Variants in MS4A18 observed in about 807,000 individuals in gnomAD.
The protein encoded by MS4A18 is membrane-spanning 4-domains subfamily A member 18.
A neutral mutation model predicts 13.1 loss-of-function variants in MS4A18; 27 were observed. That is an observed-to-expected ratio of 2.06 (90% CI 1.52 to 2.84). MS4A18 has a LOEUF of 2.84. MS4A18 is among the 30% of genes most tolerant of loss of function. The pLI, the probability that MS4A18 is intolerant of heterozygous loss-of-function variation, is 0.00. For synonymous variants in MS4A18, 126 were observed against 76.5 expected (o/e 1.65, Z -3.38); for missense variants, 307 against 196.4 (o/e 1.56, Z -3.37).
intron 1 of MS4A18, among the ~76,000 whole-genome samples, chr11:60,733,265 A>G (rs1055035269): frequency 6.6e-6 from 1 of 152,152 alleles, no homozygotes; most frequent in African/African-American, 2.4e-5. Flanking sequence ...AAGGGAACAC[A>G]TTTCTTGCTC....
chr11:60,742,688 T>C (rs1484395942), intron 5 of MS4A18, among the ~76,000 whole-genome samples: 2 of 152,224 alleles, frequency 1.3e-5, no homozygotes, highest in African/African-American at 4.8e-5. Context: ...ATGTTATTTA[T>C]CCATTGAGGA....
At chr11:60,741,065 C>A (rs1479926365) in exon 5 of MS4A18, 2 of 703,052 alleles carry the variant, frequency 2.8e-6, no homozygotes, top group Admixed American at 4.0e-5. Flanking sequence ...GTCTTCTCCC[C>A]TTTGCCCTCC....
intron 4 of MS4A18, among the ~76,000 whole-genome samples, chr11:60,739,744 A>T (rs1016859029): frequency 1.3e-5 from 2 of 151,832 alleles, no homozygotes; most frequent in African/African-American, 4.9e-5. Context: ...GGCCAAAGGA[A>T]GCCCTCAAGT....
upstream of MS4A18, among the ~76,000 whole-genome samples, chr11:60,726,489 G>A (rs1052807783): frequency 1.3e-5 from 2 of 152,116 alleles, no homozygotes; most frequent in Non-Finnish European, 2.9e-5. Flanking sequence ...TCACCTGGAG[G>A]GTGTGTTGAA....
chr11:60,743,928 T>C, exon 6 of MS4A18: 1 of 703,086 alleles, frequency 1.4e-6, no homozygotes. Context: ...CTGCCAAAGC[T>C]ACCACCAGTT....
At chr11:60,735,661 CTTTTTT>C (rs1167113182) in intron 2 of MS4A18, among the ~76,000 whole-genome samples, 29 of 90,106 alleles carry the variant, frequency 3.2e-4, no homozygotes, top group African/African-American at 1.3e-3. Flanking sequence ...CATTCCCTTG[CTTTTTT>C]TTTTTTTTTT....
chr11:60,741,015 T>C lies in MS4A18; in HGVS notation c.745-15T>C. On this transcript the variant is annotated splice_polypyrimidine_tract_variant and intron_variant, in intron 4 of 5. Transcript: ENST00000529108. ...CCTGAAGGACTAAATGCCTTCCATT[T>C]CTCTTTGCCTTTAGACATATTCAAA... is the stretch of plus-strand genomic sequence containing the variant. The C allele has an allele frequency of 2.8e-6, 2 of 702,988 alleles. No individual in the cohort carries two copies. The highest frequency in any genetic ancestry group is 5.2e-6 in the Non-Finnish European group (2 of 384,982). The allele number at this position is 702,988 out of a possible 1,614,324, so 43.5% of individuals were successfully genotyped here. A position where few individuals can be genotyped will look rare whatever the true frequency, so the allele number is the denominator to read the frequency against.
At chr11:60,726,434 G>A (rs1339833570), upstream of MS4A18, among the ~76,000 whole-genome samples, 1 of 152,194 alleles carries the variant, frequency 6.6e-6, no homozygotes, top group African/African-American at 2.4e-5. Context: ...GAAGTGTAGG[G>A]CATTTCTGCA....
chr11:60,739,049 CT>C (rs1853381907), intron 4 of MS4A18, 52 bp downstream of exon 5: 1 of 698,418 alleles, frequency 1.4e-6, no homozygotes, highest in Admixed American at 2.0e-5. Context: ...AGGAGGGCTT[CT>C]GAGGTTGCCT....
In MS4A18 at chr11:60,735,954, G is replaced by A. The variant is rs1484190853; in HGVS notation, c.592-1024G>A. On this transcript the variant is annotated intron_variant, in intron 2 of 5. Transcript: ENST00000529108. ...TGGGATTACAGGCGTGAGCTAGCAC[G>A]TCCAGCCTCCCTTGCTTTTCTTTAT... 4.6e-5 allele frequency among the ~76,000 whole-genome samples: 7 copies of A among 152,216 alleles called. No individual in the cohort carries two copies. The East Asian group carries it at 9.7e-4, about 21-fold the overall frequency.
chr11:60,732,342 G>T (rs1853266397), intron 1 of MS4A18, among the ~76,000 whole-genome samples: 1 of 152,048 alleles, frequency 6.6e-6, no homozygotes, highest in African/African-American at 2.4e-5. Context: ...TGTGTACGTT[G>T]CCAAGGGGAA....
chr11:60,742,645 T>C (rs920800457), intron 5 of MS4A18, among the ~76,000 whole-genome samples: 4 of 152,238 alleles, frequency 2.6e-5, no homozygotes, highest in Non-Finnish European at 4.4e-5. Flanking sequence ...CATCCTTGTT[T>C]GATCTTTGTT....
upstream of MS4A18, among the ~76,000 whole-genome samples, chr11:60,727,248 T>C (rs139537467): frequency 2.0e-5 from 3 of 152,314 alleles, no homozygotes; most frequent in Non-Finnish European, 4.4e-5. Context: ...AAAGAACAAA[T>C]GTTAACTGTT....
rs1201779316 is a variant in MS4A18, at chr11:60,738,944, G to A, written c.691G>A (p.Ala231Thr). ...CTTCAACATCATCAGCGCACTCTTC[G>A]CCTTTGCCGGGATCTTCATTATCAT... The change falls in exon 4 of 6, where the codon GCC becomes ACC. Residue 231 changes from alanine to threonine, a missense_variant. By Grantham distance (58) the Ala-to-Thr change is moderately conservative. Coordinates refer to ENST00000529108, the Ensembl canonical transcript of MS4A18. 1.1e-5 allele frequency: 8 copies of A among 703,178 alleles called. No individual in the cohort carries two copies. In the Admixed American group the frequency reaches 1.2e-4, roughly 11 times the overall value. The allele number at this position is 703,178 out of a possible 1,614,324, so 43.6% of individuals were successfully genotyped here. A position where few individuals can be genotyped will look rare whatever the true frequency, so the allele number is the denominator to read the frequency against.
exon 6 of MS4A18, chr11:60,743,877 T>TGTCAATGTGACAACTGGCCCC: frequency 1.4e-6 from 1 of 703,160 alleles, no homozygotes; most frequent in South Asian, 1.5e-5. Context: ...ACATTGGCCC[T>TGTCAATGTGACAACTGGCCCC]GTCAATGTGA....
At chr11:60,744,761 A>G (rs909866174), downstream of MS4A18, among the ~76,000 whole-genome samples, 4 of 152,250 alleles carry the variant, frequency 2.6e-5, no homozygotes, top group African/African-American at 9.6e-5. Context: ...GTATGAAAAG[A>G]TGTTCAATGT....
At chr11:60,735,661 C>CTTTTTTTTTTT (rs1167113182) in intron 2 of MS4A18, among the ~76,000 whole-genome samples, 13 of 90,110 alleles carry the variant, frequency 1.4e-4, no homozygotes, top group African/African-American at 6.0e-4. Context: ...CATTCCCTTG[C>CTTTTTTTTTTT]TTTTTTTTTT....
chr11:60,741,246 G>A (rs2134682077), intron 5 of MS4A18, 103 bp downstream of exon 6: 3 of 690,242 alleles, frequency 4.3e-6, no homozygotes, highest in East Asian at 5.4e-5. Context: ...GCCTGAGAGA[G>A]GGTGTATCAG....
At chr11:60,735,126 A>C in intron 2 of MS4A18, among the ~76,000 whole-genome samples, 1 of 152,144 alleles carries the variant, frequency 6.6e-6, no homozygotes. Context: ...AAACACTTGA[A>C]GGGGTTTGAA....
Sources: gnomAD v4.1 joint callset for allele counts (sites outside exome capture counted in the v4.1 genomes callset) on GRCh38, gnomAD v4.1.1 for gene constraint, MANE v1.5 for transcripts, NCBI Gene and HGNC (gene_info 2026-07-23, HGNC 2026-07-21) for gene names.